The following NCOA2 variants were observed in gnomAD, a reference collection of about 807,000 sequenced individuals.
The protein encoded by NCOA2 is class E basic helix-loop-helix protein 75.
NCOA2 carries 21 observed loss-of-function variants against 145.1 expected under a neutral mutation model. The ratio of observed to expected loss-of-function variants is 0.14; its 90% CI spans 0.10 to 0.21. NCOA2 has a LOEUF of 0.21. Ranked by LOEUF, NCOA2 falls within the 10% of genes least tolerant of loss-of-function variation. The pLI is 1.00. For missense variants in NCOA2, 1,472 were observed against 1,837.6 expected, an observed-to-expected ratio of 0.80 and a Z score of 3.64; for synonymous variants, 619 against 637.5, an observed-to-expected ratio of 0.97 and a Z score of 0.44.
chr8:70,149,099 T>G (rs1206180624), intron 11 of NCOA2, among the ~76,000 whole-genome samples: 5 of 151,506 alleles, frequency 3.3e-5, no homozygotes, highest in Admixed American at 1.3e-4. Flanking sequence ...TGCTTGGACT[T>G]TCAATTTTGA....
At chr8:70,391,962 A>G (rs181271777) in intron 1 of NCOA2, among the ~76,000 whole-genome samples, 3 of 152,370 alleles carry the variant, frequency 2.0e-5, no homozygotes, top group Non-Finnish European at 4.4e-5. Flanking sequence ...GAAGAATCAT[A>G]TCTGTAATTT....
At chr8:70,270,049 G>A (rs1449260895) in intron 2 of NCOA2, among the ~76,000 whole-genome samples, 2 of 152,030 alleles carry the variant, frequency 1.3e-5, no homozygotes, top group Non-Finnish European at 2.9e-5. Flanking sequence ...TTTTATCCTG[G>A]CGCATGCCTG....
intron 2 of NCOA2, among the ~76,000 whole-genome samples, chr8:70,238,323 T>C (rs1355353183): frequency 6.6e-6 from 1 of 152,138 alleles, no homozygotes; most frequent in Non-Finnish European, 1.5e-5. Flanking sequence ...GCTTAGTAAT[T>C]AGTATAGTGT....
chr8:70,403,971 G>T (rs1457177496), upstream of NCOA2, among the ~76,000 whole-genome samples: 4 of 152,082 alleles, frequency 2.6e-5, no homozygotes, highest in East Asian at 7.8e-4. Context: ...CTGCCTCCCC[G>T]GCAGTGGCCG....
chr8:70,219,642 G>C (rs951838410), intron 2 of NCOA2, among the ~76,000 whole-genome samples: 1 of 152,020 alleles, frequency 6.6e-6, no homozygotes, highest in Non-Finnish European at 1.5e-5. Context: ...GACCAAAAGT[G>C]GGGGGAGCGA....
intron 4 of NCOA2, among the ~76,000 whole-genome samples, chr8:70,212,396 G>A (rs1819130184): frequency 6.6e-6 from 1 of 152,156 alleles, no homozygotes; most frequent in Non-Finnish European, 1.5e-5. Flanking sequence ...AGAAAGACGA[G>A]TGATGAAGGG....
intron 1 of NCOA2, among the ~76,000 whole-genome samples, chr8:70,301,109 C>T (rs1311887239): frequency 6.6e-6 from 1 of 152,150 alleles, no homozygotes; most frequent in Non-Finnish European, 1.5e-5. Context: ...TTTGATAATG[C>T]TATTTTTGCC....
intron 1 of NCOA2, among the ~76,000 whole-genome samples, chr8:70,390,406 T>C (rs1486225819): frequency 6.6e-6 from 1 of 152,182 alleles, no homozygotes; most frequent in Non-Finnish European, 1.5e-5. Flanking sequence ...TCTTATTGTT[T>C]TCTTGGGTGA....
At chr8:70,383,522 T>C (rs1338963869) in intron 1 of NCOA2, among the ~76,000 whole-genome samples, 1 of 152,196 alleles carries the variant, frequency 6.6e-6, no homozygotes, top group Non-Finnish European at 1.5e-5. Context: ...TTTGTTTTTC[T>C]GAGACAGAGT....
At chr8:70,398,061 T>C (rs1813858971) in intron 1 of NCOA2, among the ~76,000 whole-genome samples, 1 of 152,092 alleles carries the variant, frequency 6.6e-6, no homozygotes, top group African/African-American at 2.4e-5. Flanking sequence ...ACTATCAAAG[T>C]ACACTGAAAA....
intron 1 of NCOA2, among the ~76,000 whole-genome samples, chr8:70,362,632 A>G (rs1013948844): frequency 2.0e-5 from 3 of 152,238 alleles, no homozygotes; most frequent in Non-Finnish European, 4.4e-5. Flanking sequence ...AATGGTTAAA[A>G]GAAGAAAAAA....
intron 10 of NCOA2, among the ~76,000 whole-genome samples, chr8:70,159,218 A>ATT (rs1554578421): frequency 1.3e-4 from 15 of 112,978 alleles, no homozygotes; most frequent in African/African-American, 1.9e-4. Flanking sequence ...AATACAGTAT[A>ATT]ACATTATATA....
intron 4 of NCOA2, among the ~76,000 whole-genome samples, chr8:70,197,538 T>C (rs1219797630): frequency 6.6e-6 from 1 of 152,222 alleles, no homozygotes; most frequent in Non-Finnish European, 1.5e-5. Flanking sequence ...GACAGTGCTT[T>C]ACAGGTCTTT....
At chr8:70,297,794 C>G (rs964305959) in intron 1 of NCOA2, among the ~76,000 whole-genome samples, 8 of 152,230 alleles carry the variant, frequency 5.3e-5, no homozygotes, top group African/African-American at 1.4e-4. Context: ...AAGTGCTTCG[C>G]TGTAAATGAG....
At chr8:70,253,450 T>C (rs1823367264) in intron 2 of NCOA2, among the ~76,000 whole-genome samples, 1 of 150,860 alleles carries the variant, frequency 6.6e-6, no homozygotes, top group African/African-American at 2.4e-5. Flanking sequence ...AATGCCAGAG[T>C]AGAAATGTAT....
chr8:70,424,440 T>C, the NCOA2 span: 1 of 481,390 alleles, frequency 2.1e-6, no homozygotes, highest in African/African-American at 2.0e-5. Flanking sequence ...GTGTCTGCTT[T>C]CTCAATACCA....
intron 2 of NCOA2, among the ~76,000 whole-genome samples, chr8:70,279,705 G>A (rs1158091905): frequency 6.6e-6 from 1 of 152,198 alleles, no homozygotes; most frequent in Non-Finnish European, 1.5e-5. Context: ...ATCCAACATG[G>A]ACCAGTGAGA....
In NCOA2 at chr8:70,128,740, G is replaced by A. The variant is rs369624110; in HGVS notation, c.3565C>T (p.Leu1189=). Residue 1189 remains leucine, a synonymous_variant, in exon 17 of 23, where the codon CTA becomes TTA. Coordinates refer to ENST00000452400, the MANE Select transcript of NCOA2 (RefSeq NM_006540.4). ...TGLVQNQPNQ[L]RLQLQHRLQA... is the part of the protein sequence containing the mutation. ...AGGCGATGCTGAAGTTGAAGTCTTA[G>A]TTGATTTGGCTGGTTCTGCACTAGG... 8.1e-6 allele frequency: 13 copies of A among 1,613,884 alleles called. No individual in the cohort carries two copies. Among genetic ancestry groups the A allele is most frequent in the Non-Finnish European group, 1.1e-5 (13 of 1,179,912 alleles).
In NCOA2 at chr8:70,111,721, T is replaced by C. The variant is rs183072717; in HGVS notation, c.*1911A>G. On this transcript the variant is annotated 3_prime_UTR_variant, in exon 23 of 23. Transcript: ENST00000452400. ...GGCTATATCTCTTCCTATATTTCCA[T>C]AATGCGTACATATAGAGAGAGATAT... The C allele has an allele frequency of 2.3e-5, 5 of 216,840 alleles. No homozygotes were observed. The highest frequency in any genetic ancestry group is 4.6e-5 in the Non-Finnish European group (5 of 107,796). The allele number at this position is 216,840 out of a possible 1,614,324, so 13.4% of individuals were successfully genotyped here. A position where few individuals can be genotyped will look rare whatever the true frequency, so the allele number is the denominator to read the frequency against.
Sources: allele counts gnomAD v4.1 joint callset (sites outside exome capture counted in the v4.1 genomes callset), GRCh38; gene constraint gnomAD v4.1.1; transcripts MANE v1.5; gene names NCBI Gene and HGNC (gene_info 2026-07-23, HGNC 2026-07-21).